FSTL4: variants seen among roughly 807,000 people sequenced by gnomAD.
The protein encoded by FSTL4 is follistatin like 4.
Under a neutral mutation model 78.2 loss-of-function variants are expected in FSTL4, and 28 were observed. The ratio of observed to expected loss-of-function variants is 0.36; its 90% CI spans 0.27 to 0.49. The LOEUF (loss-of-function observed/expected upper bound fraction) is 0.49. Among genes scored for constraint, FSTL4 ranks in the 20% least tolerant of loss-of-function variants. FSTL4 has a pLI of 0.98. For missense variants in FSTL4, 922 were observed against 1,084.9 expected (o/e 0.85, Z 2.11); for synonymous variants, 422 against 440.5 (o/e 0.96, Z 0.53).
At chr5:133,229,847 T>C (rs1339295653) in intron 8 of FSTL4, among the ~76,000 whole-genome samples, 1 of 149,404 alleles carries the variant, frequency 6.7e-6, no homozygotes, top group Non-Finnish European at 1.5e-5. Flanking sequence ...AGTGGGGAGA[T>C]AGCCTCAGGC....
At chr5:133,664,160 G>A in the FSTL4 span, among the ~76,000 whole-genome samples, 4 of 152,100 alleles carry the variant, frequency 2.6e-5, no homozygotes, top group East Asian at 1.9e-4. Context: ...GGAAATATTC[G>A]AACACAGATC....
chr5:133,700,315 A>T, the FSTL4 span, among the ~76,000 whole-genome samples: 1 of 150,098 alleles, frequency 6.7e-6, no homozygotes, highest in Non-Finnish European at 1.5e-5. Context: ...AAAACATCAC[A>T]CCAAAACATC....
chr5:133,277,531 T>C (rs529228277), intron 6 of FSTL4, among the ~76,000 whole-genome samples: 12 of 152,306 alleles, frequency 7.9e-5, no homozygotes, highest in African/African-American at 2.9e-4. Flanking sequence ...ATAACTGAAA[T>C]ATTATCATAG....
chr5:133,568,871 T>C (rs189418131), intron 2 of FSTL4, among the ~76,000 whole-genome samples: 43 of 152,314 alleles, frequency 2.8e-4, no homozygotes, highest in African/African-American at 9.6e-4. Flanking sequence ...ATAAATTAAT[T>C]TAGGGAAAGC....
Position 133,312,451 on chromosome 5 carries a change from G to A in FSTL4, c.727+203C>T, listed in dbSNP as rs574804991. On this transcript the variant is annotated intron_variant, in intron 6 of 15. Coordinates refer to ENST00000265342, the MANE Select transcript of FSTL4 (RefSeq NM_015082.2). The stretch of plus-strand genomic sequence containing the variant: ...GAAAAATCTTTATTAAAAAGGAACA[G>A]GGCAAGCCCTCTCTGGCCCCATCCA... 35 of 593,546 alleles carry A rather than the reference G, an allele frequency of 5.9e-5. 1 individual carries two copies. Among genetic ancestry groups the A allele is most frequent in the Admixed American group, 2.1e-4 (7 of 33,158 alleles). 36.8% of individuals were successfully genotyped at this position (593,546 alleles called of 1,614,324 possible). A position where few individuals can be genotyped will look rare whatever the true frequency, so the allele number is the denominator to read the frequency against.
chr5:133,392,156 G>A (rs569193779), intron 4 of FSTL4, among the ~76,000 whole-genome samples: 3 of 152,288 alleles, frequency 2.0e-5, no homozygotes, highest in East Asian at 1.9e-4. Context: ...TAGCTAGGAG[G>A]CCATAGAGGT....
At chr5:133,468,959 T>C (rs931762560) in intron 3 of FSTL4, among the ~76,000 whole-genome samples, 1 of 152,220 alleles carries the variant, frequency 6.6e-6, no homozygotes, top group Admixed American at 6.5e-5. Flanking sequence ...GAAATAGCAT[T>C]TAATCCAGGC....
chr5:133,767,745 G>A, the FSTL4 span, among the ~76,000 whole-genome samples: 19 of 152,314 alleles, frequency 1.2e-4, no homozygotes, highest in African/African-American at 4.6e-4. Flanking sequence ...GTGATGCCTG[G>A]ATGCCATCAA....
chr5:133,607,453 A>C (rs984331906), intron 1 of FSTL4, among the ~76,000 whole-genome samples: 1 of 152,140 alleles, frequency 6.6e-6, no homozygotes, highest in Non-Finnish European at 1.5e-5. Context: ...TTTCTACTCC[A>C]TGATGGGGGC....
chr5:133,600,758 C>CT (rs1487653464), intron 2 of FSTL4, among the ~76,000 whole-genome samples: 1 of 152,198 alleles, frequency 6.6e-6, no homozygotes, highest in African/African-American at 2.4e-5. Flanking sequence ...AAAGGTAAAT[C>CT]AAATCTTATT....
intron 3 of FSTL4, among the ~76,000 whole-genome samples, chr5:133,412,347 C>T (rs1006500496): frequency 1.3e-5 from 2 of 151,930 alleles, no homozygotes; most frequent in African/African-American, 2.4e-5. Context: ...AAAACAGGAT[C>T]CAGAAATAAA....
chr5:133,651,675 G>C, the FSTL4 span, among the ~76,000 whole-genome samples: 2 of 151,468 alleles, frequency 1.3e-5, no homozygotes, highest in African/African-American at 4.9e-5. Context: ...TTGCTCTGTC[G>C]CCTGATTTGC....
the FSTL4 span, among the ~76,000 whole-genome samples, chr5:133,688,017 T>C: frequency 1.3e-5 from 2 of 152,278 alleles, no homozygotes; most frequent in Non-Finnish European, 2.9e-5. Context: ...AGGAACCACC[T>C]GGAAATAGCT....
At chr5:133,649,427 G>A in the FSTL4 span, among the ~76,000 whole-genome samples, 1 of 152,174 alleles carries the variant, frequency 6.6e-6, no homozygotes, top group East Asian at 1.9e-4. Flanking sequence ...AAAAAGATAT[G>A]TTTAGTTTTG....
chr5:133,207,351 G>A (rs1303041628), intron 14 of FSTL4, among the ~76,000 whole-genome samples: 2 of 152,144 alleles, frequency 1.3e-5, no homozygotes, highest in South Asian at 2.1e-4. Flanking sequence ...ATTGCCTGAC[G>A]CTACCATGCA....
intron 6 of FSTL4, among the ~76,000 whole-genome samples, chr5:133,284,700 A>G (rs891964803): frequency 2.6e-5 from 4 of 152,196 alleles, no homozygotes; most frequent in African/African-American, 9.7e-5. Flanking sequence ...CAAGATTTGG[A>G]TGAACCCCCA....
chr5:133,555,946 C>T (rs1395447605), intron 3 of FSTL4, among the ~76,000 whole-genome samples: 2 of 152,300 alleles, frequency 1.3e-5, no homozygotes, highest in Non-Finnish European at 2.9e-5. Flanking sequence ...CCCCCCACAA[C>T]GCATTGCCCA....
the FSTL4 span, among the ~76,000 whole-genome samples, chr5:133,731,039 T>C: frequency 6.6e-6 from 1 of 152,164 alleles, no homozygotes; most frequent in Admixed American, 6.5e-5. Flanking sequence ...TCCCAGGCAG[T>C]CTGTATGTGG....
chr5:133,444,208 CGACA>C lies in FSTL4; in HGVS notation c.161-43226_161-43223del, dbSNP rs1757216133. Among the ~76,000 whole-genome samples, 4 of 152,312 alleles carry C rather than the reference CGACA, an allele frequency of 2.6e-5. No individual in the cohort carries two copies. The South Asian group carries it at 8.3e-4, about 32-fold the overall frequency. On this transcript the variant is annotated intron_variant, in intron 3 of 15. Coordinates refer to ENST00000265342, the MANE Select transcript of FSTL4 (RefSeq NM_015082.2). ...GAAGAAAAGAAAAATAAAAACATAA[CGACA>C]GACAGATAGGTAGGCACCTTCTTGC...
Sources: allele counts gnomAD v4.1 joint callset (sites outside exome capture counted in the v4.1 genomes callset), GRCh38; gene constraint gnomAD v4.1.1; transcripts MANE v1.5; gene names NCBI Gene and HGNC (gene_info 2026-07-23, HGNC 2026-07-21).